The following TYR variants were observed in gnomAD, a reference collection of about 807,000 sequenced individuals.
TYR encodes the protein LB24-AB.
TYR carries 58 observed loss-of-function variants against 51.5 expected under a neutral mutation model. The observed-to-expected ratio is 1.13, with a 90% CI of 0.91 to 1.40. TYR has a LOEUF of 1.40. Ranked by LOEUF, TYR falls within the 40% of genes most tolerant of loss-of-function variation. The probability of loss-of-function intolerance (pLI) is 0.00; values close to 1 mark genes in which losing one functional copy is unlikely to be tolerated. For synonymous variants in TYR, 263 were observed against 235.2 expected, an observed-to-expected ratio of 1.12 and a Z score of -1.08; for missense variants, 732 against 647.4, an observed-to-expected ratio of 1.13 and a Z score of -1.42.
intron 1 of TYR, 39 bp from the exon 2 acceptor site, chr11:89,191,163 G>A (rs772615028): frequency 8.2e-6 from 13 of 1,587,176 alleles, no homozygotes; most frequent in South Asian, 2.2e-5. Context: ...TGACTCAGTG[G>A]TGGTGACAAT....
chr11:89,284,925 G>A lies in TYR; in HGVS notation c.1337G>A (p.Gly446Asp). 1 of 1,611,564 alleles carries A rather than the reference G, an allele frequency of 6.2e-7. No homozygotes were observed. Among genetic ancestry groups the A allele is most frequent in the African/African-American group, 1.3e-5 (1 of 74,820 alleles). The change falls in exon 4 of 5, where the codon GGC becomes GAC. Residue 446 changes from glycine to aspartate, a missense_variant. Transcript: ENST00000263321. ...TTCTTTATTTCATCCAAAGATCTGG[G>A]CTATGACTATAGCTATCTACAAGAT... ...GDFFISSKDL[G>D]YDYSYLQDSD...
At chr11:89,294,296 A>T (rs1944881760) in intron 4 of TYR, 1 of 151,748 alleles carries the variant, frequency 6.6e-6, no homozygotes, top group Non-Finnish European at 1.5e-5. Flanking sequence ...CTGTAGTTTC[A>T]TTTCAGGCTT....
At chr11:89,252,313 A>C (rs1467387318) in intron 3 of TYR, among the ~76,000 whole-genome samples, 1 of 151,798 alleles carries the variant, frequency 6.6e-6, no homozygotes, top group Admixed American at 6.6e-5. Flanking sequence ...AAAATAAATT[A>C]AAACAGGAGT....
intron 3 of TYR, among the ~76,000 whole-genome samples, chr11:89,279,047 A>G (rs71469246): frequency 0.023 from 3,441 of 151,708 alleles, 65 homozygotes; most frequent in African/African-American, 0.052. Flanking sequence ...TTCTCTTCAC[A>G]TCATATCAAA....
chr11:89,257,748 G>A (rs1944410817), intron 3 of TYR, among the ~76,000 whole-genome samples: 1 of 151,952 alleles, frequency 6.6e-6, no homozygotes. Context: ...TTTGCACTCA[G>A]CCAGCATTTC....
At chr11:89,243,762 G>C (rs1461568498) in intron 3 of TYR, among the ~76,000 whole-genome samples, 1 of 152,054 alleles carries the variant, frequency 6.6e-6, no homozygotes, top group Non-Finnish European at 1.5e-5. Flanking sequence ...ATTTCTCAAA[G>C]CATTCTATAA....
At chr11:89,201,013 T>G (rs142429073) in intron 2 of TYR, among the ~76,000 whole-genome samples, 1 of 152,170 alleles carries the variant, frequency 6.6e-6, no homozygotes, top group Non-Finnish European at 1.5e-5. Flanking sequence ...TATAATAGCA[T>G]GCATTGGTCA....
At chr11:89,197,130 GAGGGAA>G (rs1943529973) in intron 2 of TYR, among the ~76,000 whole-genome samples, 1 of 152,174 alleles carries the variant, frequency 6.6e-6, no homozygotes, top group South Asian at 2.1e-4. Flanking sequence ...ATTTCCAGCA[GAGGGAA>G]CAACATATGC....
At chr11:89,186,989 C>A (rs1943382857) in intron 1 of TYR, among the ~76,000 whole-genome samples, 1 of 152,118 alleles carries the variant, frequency 6.6e-6, no homozygotes, top group Admixed American at 6.6e-5. Flanking sequence ...TCTTGGACTT[C>A]CAAACTCATG....
At chr11:89,234,490 G>GCCTACGTGAGCTTTCAA (rs1944087139) in intron 3 of TYR, among the ~76,000 whole-genome samples, 1 of 143,558 alleles carries the variant, frequency 7.0e-6, no homozygotes, top group Non-Finnish European at 1.5e-5. Flanking sequence ...CTAGCTTTCA[G>GCCTACGTGAGCTTTCAA]CCTACGTGAG....
At chr11:89,267,017 C>G (rs922731476) in intron 3 of TYR, among the ~76,000 whole-genome samples, 12 of 151,984 alleles carry the variant, frequency 7.9e-5, no homozygotes, top group African/African-American at 2.9e-4. Context: ...AGTTCTATAT[C>G]TGTACAGATA....
intron 2 of TYR, among the ~76,000 whole-genome samples, chr11:89,207,677 C>A (rs1943689843): frequency 6.6e-6 from 1 of 152,040 alleles, no homozygotes; most frequent in Admixed American, 6.6e-5. Flanking sequence ...AGATCAATAT[C>A]CCTCATGTAC....
intron 4 of TYR, among the ~76,000 whole-genome samples, chr11:89,289,602 A>G (rs1252296776): frequency 1.3e-5 from 2 of 152,028 alleles, no homozygotes; most frequent in Non-Finnish European, 2.9e-5. Context: ...AGTGCCCCCC[A>G]ACTCCCCGCC....
intron 2 of TYR, among the ~76,000 whole-genome samples, chr11:89,215,605 C>A (rs1319208809): frequency 6.6e-6 from 1 of 152,028 alleles, no homozygotes; most frequent in Non-Finnish European, 1.5e-5. Flanking sequence ...TGAGTCTAAG[C>A]AATCCATTAA....
At chr11:89,257,456 C>T (rs1944407119) in intron 3 of TYR, among the ~76,000 whole-genome samples, 1 of 151,934 alleles carries the variant, frequency 6.6e-6, no homozygotes, top group Admixed American at 6.6e-5. Context: ...GCCATATTAT[C>T]CGTCTCTGGG....
intron 3 of TYR, among the ~76,000 whole-genome samples, chr11:89,267,208 A>G (rs1239235798): frequency 6.6e-6 from 1 of 151,964 alleles, no homozygotes; most frequent in East Asian, 1.9e-4. Flanking sequence ...TGCTATGACA[A>G]GAGTGTTGGG....
At chr11:89,227,697 A>T in intron 2 of TYR, 126 bp from the exon 3 acceptor site, 1 of 841,952 alleles carries the variant, frequency 1.2e-6, no homozygotes, top group Non-Finnish European at 1.8e-6. Flanking sequence ...ATACGGAATG[A>T]ATTTTATTTT....
chr11:89,199,093 TC>T (rs1943563092), intron 2 of TYR, among the ~76,000 whole-genome samples: 1 of 152,142 alleles, frequency 6.6e-6, no homozygotes, highest in South Asian at 2.1e-4. Flanking sequence ...CATGAACTCA[TC>T]CTTTTTTATG....
chr11:89,261,695 C>G (rs527474342), intron 3 of TYR, among the ~76,000 whole-genome samples: 1 of 152,050 alleles, frequency 6.6e-6, no homozygotes, highest in African/African-American at 2.4e-5. Flanking sequence ...ATACTATATG[C>G]CAATGAGACC....
Sources: allele counts gnomAD v4.1 joint callset (sites outside exome capture counted in the v4.1 genomes callset), GRCh38; gene constraint gnomAD v4.1.1; transcripts MANE v1.5; gene names NCBI Gene and HGNC (gene_info 2026-07-23, HGNC 2026-07-21).